The following RORA variants were observed in gnomAD, a reference collection of about 807,000 sequenced individuals.
RORA encodes the protein RAR related orphan receptor A.
RORA carries 7 observed loss-of-function variants against 69.5 expected under a neutral mutation model. That is an observed-to-expected ratio of 0.10 (90% CI 0.06 to 0.19). RORA has a LOEUF of 0.19. Among genes scored for constraint, RORA ranks in the 10% least tolerant of loss-of-function variants. The pLI is 1.00. For synonymous variants in RORA, 261 were observed against 240.8 expected (o/e 1.08, Z -0.78); for missense variants, 457 against 663.0 (o/e 0.69, Z 3.41).
At chr15:61,033,419 C>CAAAACAAAA (rs1555403814) in intron 1 of RORA, among the ~76,000 whole-genome samples, 7 of 150,626 alleles carry the variant, frequency 4.6e-5, no homozygotes, top group Admixed American at 1.3e-4. Flanking sequence ...AAAAAAAAAA[C>CAAAACAAAA]AAAAACCAGT....
intron 2 of RORA, among the ~76,000 whole-genome samples, chr15:60,664,622 C>T (rs1037001150): frequency 4.6e-5 from 7 of 152,142 alleles, no homozygotes; most frequent in Admixed American, 1.3e-4. Flanking sequence ...AAGAGATGGA[C>T]TTTACGTTAC....
intron 1 of RORA, among the ~76,000 whole-genome samples, chr15:60,843,807 G>T (rs1000955212): frequency 6.6e-6 from 1 of 152,114 alleles, no homozygotes; most frequent in Non-Finnish European, 1.5e-5. Context: ...GTCTCTTTTT[G>T]CTTTTCCTGG....
Position 60,784,634 on chromosome 15 carries a change from T to C in RORA, c.167-105948A>G, listed in dbSNP as rs77727945. On this transcript the variant is annotated intron_variant, in intron 1 of 10. Transcript: ENST00000335670. ...AGTTGGATGTACAATATGGGTGAAA[T>C]GCAAAGAACAGCTGTAAAATTGAAG... Among the ~76,000 whole-genome samples the C allele has an allele frequency of 5.6e-3, 850 of 152,314 alleles. 6 individuals carry two copies. Among genetic ancestry groups the C allele is most frequent in the African/African-American group, 0.019 (801 of 41,570 alleles).
intron 1 of RORA, among the ~76,000 whole-genome samples, chr15:60,708,417 CAAAAA>C (rs568365743): frequency 1.5e-5 from 1 of 66,422 alleles, no homozygotes. Context: ...GACTCCGTCT[CAAAAA>C]AAAAAAAAAA....
chr15:60,822,219 A>T (rs2072902018), intron 1 of RORA, among the ~76,000 whole-genome samples: 2 of 152,192 alleles, frequency 1.3e-5, no homozygotes, highest in African/African-American at 4.8e-5. Flanking sequence ...AAAGAAGCAT[A>T]GTTATCTCCT....
At chr15:60,743,724 TG>T (rs1357152974) in intron 1 of RORA, among the ~76,000 whole-genome samples, 1 of 152,198 alleles carries the variant, frequency 6.6e-6, no homozygotes, top group African/African-American at 2.4e-5. Context: ...CCAAATTTAG[TG>T]GGAGGCTCTG....
At chr15:61,135,449 C>A (rs940456291) in intron 1 of RORA, among the ~76,000 whole-genome samples, 11 of 152,042 alleles carry the variant, frequency 7.2e-5, no homozygotes, top group Admixed American at 1.3e-4. Context: ...ACAGCAAGTG[C>A]AGACACAAAC....
chr15:61,038,431 C>A (rs1896574084), intron 1 of RORA, among the ~76,000 whole-genome samples: 1 of 152,094 alleles, frequency 6.6e-6, no homozygotes, highest in African/African-American at 2.4e-5. Context: ...GGAAACCCTC[C>A]AATAGAACCA....
rs1220387416 is a variant in RORA, at chr15:60,493,268, G to A, written c.*4187C>T. ...CTCAACAATAACAAGTGATTCGATC[G>A]ACATTCCTTAGCCAAAAACAAAAGG... On this transcript the variant is annotated 3_prime_UTR_variant, in exon 11 of 11. Transcript: ENST00000335670. The A allele has an allele frequency of 1.3e-5, 2 of 151,610 alleles. No individual in the cohort carries two copies. The highest frequency in any genetic ancestry group is 2.9e-5 in the Non-Finnish European group (2 of 67,944). The allele number at this position is 151,610 out of a possible 1,614,324, so 9.4% of individuals were successfully genotyped here.
chr15:60,999,660 T>C (rs568374722), intron 1 of RORA, among the ~76,000 whole-genome samples: 1 of 152,348 alleles, frequency 6.6e-6, no homozygotes, highest in South Asian at 2.1e-4. Context: ...TACATCTGTC[T>C]GTGTGTGCTG....
chr15:60,608,095 C>T (rs113904692), intron 2 of RORA, among the ~76,000 whole-genome samples: 56 of 152,286 alleles, frequency 3.7e-4, no homozygotes, highest in African/African-American at 1.3e-3. Context: ...AGGCTAGATC[C>T]ACATCGTACA....
intron 1 of RORA, among the ~76,000 whole-genome samples, chr15:61,200,817 A>G (rs1459565053): frequency 1.3e-5 from 2 of 152,230 alleles, no homozygotes; most frequent in East Asian, 3.9e-4. Flanking sequence ...TGAACTAACC[A>G]TCTGCCAGGG....
At chr15:60,704,673 C>T (rs759509280) in intron 1 of RORA, among the ~76,000 whole-genome samples, 2 of 152,182 alleles carry the variant, frequency 1.3e-5, no homozygotes, top group African/African-American at 4.8e-5. Flanking sequence ...AGAGATAGAA[C>T]TAAAGTTTAG....
intron 1 of RORA, among the ~76,000 whole-genome samples, chr15:61,144,612 T>C (rs1036542762): frequency 6.6e-6 from 1 of 152,188 alleles, no homozygotes; most frequent in African/African-American, 2.4e-5. Context: ...AAAACAAGTA[T>C]CATCTCTCTT....
chr15:60,668,583 A>C (rs2070414976), intron 2 of RORA, among the ~76,000 whole-genome samples: 1 of 152,180 alleles, frequency 6.6e-6, no homozygotes, highest in African/African-American at 2.4e-5. Context: ...GACAGAGTTT[A>C]GTTTTCACCT....
intron 1 of RORA, among the ~76,000 whole-genome samples, chr15:60,751,306 G>A (rs1161150892): frequency 6.6e-6 from 1 of 152,188 alleles, no homozygotes; most frequent in Non-Finnish European, 1.5e-5. Context: ...GCAGTTGCGT[G>A]AAGATCAGTG....
At chr15:60,559,543 T>C (rs1382132407) in intron 2 of RORA, among the ~76,000 whole-genome samples, 1 of 152,222 alleles carries the variant, frequency 6.6e-6, no homozygotes, top group Non-Finnish European at 1.5e-5. Flanking sequence ...TAAAGGCCTA[T>C]TTGCTTACTT....
Position 60,492,110 on chromosome 15 carries a change from A to G in RORA, c.*5345T>C, listed in dbSNP as rs1214489961. The G allele has an allele frequency of 2.0e-5, 3 of 152,186 alleles. No individual in the cohort carries two copies. The highest frequency in any genetic ancestry group is 3.8e-4 in the East Asian group (2 of 5,200). 9.4% of individuals were successfully genotyped at this position (152,186 alleles called of 1,614,324 possible). ...TTCCATATTCTTTATTATCAAAAAC[A>G]ACATGGTAAAGGTATCCTTTTCATC... On this transcript the variant is annotated 3_prime_UTR_variant, in exon 11 of 11. Transcript: ENST00000335670.
At chr15:61,042,358 C>T (rs1896819397) in intron 1 of RORA, among the ~76,000 whole-genome samples, 1 of 151,894 alleles carries the variant, frequency 6.6e-6, no homozygotes, top group South Asian at 2.1e-4. Flanking sequence ...GGTGCCTGGT[C>T]ACCCTAGTCC....
Sources: gnomAD v4.1 joint callset for allele counts (sites outside exome capture counted in the v4.1 genomes callset) on GRCh38, gnomAD v4.1.1 for gene constraint, MANE v1.5 for transcripts, NCBI Gene and HGNC (gene_info 2026-07-23, HGNC 2026-07-21) for gene names.